SHOC1: variants seen among roughly 807,000 people sequenced by gnomAD.
The protein encoded by SHOC1 is shortage in chiasmata 1.
Under a neutral mutation model 179.2 loss-of-function variants are expected in SHOC1, and 136 were observed. The ratio of observed to expected loss-of-function variants is 0.76; its 90% CI spans 0.66 to 0.87. The LOEUF (loss-of-function observed/expected upper bound fraction) is 0.87, where lower values mean the gene tolerates loss of function less well. Among genes scored for constraint, SHOC1 ranks in the 40% least tolerant of loss-of-function variants. SHOC1 has a pLI of 0.00. For synonymous variants in SHOC1, 489 were observed against 586.6 expected, an observed-to-expected ratio of 0.83 and a Z score of 2.41; for missense variants, 1,538 against 1,700.8, an observed-to-expected ratio of 0.90 and a Z score of 1.68.
chr9:111,746,439 CTGAGGTAGG>C, intron 9 of SHOC1, 97 bp from the exon 10 acceptor site: 1 of 688,326 alleles, frequency 1.5e-6, no homozygotes, highest in East Asian at 2.9e-5. Context: ...CTTTGGGAGG[CTGAGGTAGG>C]AGGATCACTT....
chr9:111,704,885 A>G (rs1316421805), intron 21 of SHOC1, among the ~76,000 whole-genome samples: 3 of 152,188 alleles, frequency 2.0e-5, no homozygotes, highest in Non-Finnish European at 4.4e-5. Context: ...ACATGAACAT[A>G]TAATTCACAG....
chr9:111,779,112 AAAAG>A (rs948307905), intron 4 of SHOC1, among the ~76,000 whole-genome samples: 4 of 100,036 alleles, frequency 4.0e-5, no homozygotes, highest in South Asian at 3.5e-4. Flanking sequence ...AAAAAAAAAA[AAAAG>A]AGAGAGAGAG....
At chr9:111,733,322 T>C (rs1468136515) in intron 12 of SHOC1, among the ~76,000 whole-genome samples, 2 of 152,132 alleles carry the variant, frequency 1.3e-5, no homozygotes, top group Admixed American at 1.3e-4. Flanking sequence ...GATATTGGTA[T>C]AAGAAACATT....
At chr9:111,753,818 C>T (rs1162454199) in intron 8 of SHOC1, among the ~76,000 whole-genome samples, 1 of 152,038 alleles carries the variant, frequency 6.6e-6, no homozygotes, top group Non-Finnish European at 1.5e-5. Flanking sequence ...CTAATATTAC[C>T]ACTTCTATGT....
rs908973442 is a variant in SHOC1 at position 111,723,662 on chromosome 9, G to C, written c.1954+130C>G. On this transcript the variant is annotated intron_variant, in intron 14 of 27. Coordinates refer to ENST00000682961, the MANE Select transcript of SHOC1 (RefSeq NM_001378211.1). ...CAGATTGGGATATAACTTGAAAGTAGGAGTGGAATGAAGAAATATCTGAAA... is the reference window on the plus strand; with the variant it reads ...CAGATTGGGATATAACTTGAAAGTACGAGTGGAATGAAGAAATATCTGAAA... 2.1e-5 allele frequency: 19 copies of C among 916,986 alleles called. No individual in the cohort carries two copies. The Admixed American group carries it at 4.8e-4, about 23-fold the overall frequency. The allele number at this position is 916,986 out of a possible 1,614,324, so 56.8% of individuals were successfully genotyped here.
intron 21 of SHOC1, 65 bp from the exon 22 acceptor site, chr9:111,704,057 T>A: frequency 1.2e-6 from 1 of 803,350 alleles, no homozygotes; most frequent in Non-Finnish European, 2.0e-6. Flanking sequence ...AGAAAAGTTG[T>A]AGTTCCCTCC....
intron 16 of SHOC1, among the ~76,000 whole-genome samples, chr9:111,717,270 T>G (rs1412383635): frequency 6.6e-6 from 1 of 152,164 alleles, no homozygotes; most frequent in Non-Finnish European, 1.5e-5. Flanking sequence ...CTCTAAATTA[T>G]AAAACATAAT....
chr9:111,775,533 A>C (rs1466743654), intron 5 of SHOC1, among the ~76,000 whole-genome samples: 1 of 152,180 alleles, frequency 6.6e-6, no homozygotes, highest in Non-Finnish European at 1.5e-5. Flanking sequence ...TCATTATAGC[A>C]GTATGTTGAA....
At chr9:111,777,969 G>A (rs531359549) in intron 4 of SHOC1, among the ~76,000 whole-genome samples, 65 of 152,090 alleles carry the variant, frequency 4.3e-4, no homozygotes, top group Non-Finnish European at 6.5e-4. Flanking sequence ...ATTCCTATGT[G>A]GATCGTTATA....
At chr9:111,759,527 G>A in intron 5 of SHOC1, 1 of 1,190,974 alleles carries the variant, frequency 8.4e-7, no homozygotes, top group Non-Finnish European at 1.0e-6. Flanking sequence ...ATCTTGGCTA[G>A]CTGTCTAACA....
rs1244613760 is a variant in SHOC1, at chr9:111,714,654, T to TA, written c.2237-32dup. The TA allele has an allele frequency of 1.9e-6, 3 of 1,568,364 alleles. No homozygotes were observed. In the South Asian group the frequency reaches 3.6e-5, roughly 19 times the overall value. On this transcript the variant is annotated intron_variant, in intron 16 of 27. Coordinates refer to ENST00000682961, the MANE Select transcript of SHOC1 (RefSeq NM_001378211.1). ...GAAGCAAAATTAGAAAAAAATTGTC[T>TA]AAGTATTTGTTTTTTAAGAAACTCC... is the stretch of plus-strand genomic sequence containing the variant.
intron 12 of SHOC1, among the ~76,000 whole-genome samples, chr9:111,734,498 T>G (rs1180729744): frequency 6.6e-6 from 1 of 152,272 alleles, no homozygotes; most frequent in African/African-American, 2.4e-5. Flanking sequence ...TCTGTTTATC[T>G]GTTCTCTTTC....
intron 12 of SHOC1, among the ~76,000 whole-genome samples, chr9:111,735,257 T>C (rs777122259): frequency 6.6e-6 from 1 of 152,104 alleles, no homozygotes; most frequent in Non-Finnish European, 1.5e-5. Context: ...CATAGGTATA[T>C]ACATGTTATG....
At chr9:111,741,660 G>A (rs528541306) in intron 10 of SHOC1, 90 bp from the exon 11 acceptor site, 1 of 616,320 alleles carries the variant, frequency 1.6e-6, no homozygotes, top group Non-Finnish European at 2.6e-6. Flanking sequence ...TTGAGGCAGA[G>A]TCTCGCTCTG....
chr9:111,764,778 TAA>T (rs1308597412), intron 5 of SHOC1, among the ~76,000 whole-genome samples: 1 of 152,072 alleles, frequency 6.6e-6, no homozygotes, highest in Non-Finnish European at 1.5e-5. Context: ...TTCAAAGAGT[TAA>T]AAGTGGTTGC....
intron 24 of SHOC1, among the ~76,000 whole-genome samples, chr9:111,698,252 C>T (rs967335661): frequency 5.9e-5 from 9 of 152,232 alleles, no homozygotes; most frequent in South Asian, 2.1e-4. Flanking sequence ...GTGTTTTATT[C>T]GTGAAGTTGT....
At chr9:111,767,253 A>C (rs1835392702) in intron 5 of SHOC1, among the ~76,000 whole-genome samples, 1 of 151,582 alleles carries the variant, frequency 6.6e-6, no homozygotes, top group South Asian at 2.1e-4. Flanking sequence ...TCCTATACAA[A>C]AAATCTTAGC....
At position 111,686,366 on chromosome 9, in the gene SHOC1, G is replaced by A. The variant is rs1359041674; in HGVS notation, c.*404C>T. The A allele has an allele frequency of 2.0e-5, 3 of 152,438 alleles. No homozygotes were observed. The highest frequency in any genetic ancestry group is 7.2e-5 in the African/African-American group (3 of 41,430). 9.4% of individuals were successfully genotyped at this position (152,438 alleles called of 1,614,324 possible). ...TCTTAGTAATTTGTTCTTAAATTGT[G>A]TTTACAGAAAATGATACTTTAAGTT... is the stretch of plus-strand genomic sequence containing the variant. On this transcript the variant is annotated 3_prime_UTR_variant, in exon 28 of 28. Transcript: ENST00000682961.
intron 5 of SHOC1, among the ~76,000 whole-genome samples, chr9:111,774,141 A>G (rs1835735066): frequency 6.6e-6 from 1 of 152,136 alleles, no homozygotes; most frequent in Admixed American, 6.5e-5. Context: ...ATGTTTGTGT[A>G]ACCCATTAGT....
Sources: gnomAD v4.1 joint callset for allele counts (sites outside exome capture counted in the v4.1 genomes callset) on GRCh38, gnomAD v4.1.1 for gene constraint, MANE v1.5 for transcripts, NCBI Gene and HGNC (gene_info 2026-07-23, HGNC 2026-07-21) for gene names.